Variants in CDH15 observed in about 807,000 individuals in gnomAD.
CDH15 encodes cadherin-15.
CDH15 carries 73 observed loss-of-function variants against 69.4 expected under a neutral mutation model. The observed-to-expected ratio is 1.05, with a 90% CI of 0.87 to 1.28. The LOEUF is 1.28. Among genes scored for constraint, CDH15 ranks in the 50% most tolerant of loss-of-function variants. The pLI is 0.00. For missense variants in CDH15, 1,343 were observed against 1,133.6 expected (o/e 1.18, Z -2.65); for synonymous variants, 624 against 507.7 (o/e 1.23, Z -3.08).
At chr16:89,194,563 G>A (rs922580564) in intron 13 of CDH15, among the ~76,000 whole-genome samples, 68 of 152,288 alleles carry the variant, frequency 4.5e-4, no homozygotes, top group Middle Eastern at 3.4e-3. Flanking sequence ...CGGGGAGGAA[G>A]AGACCAGGGT....
chr16:89,179,279 C>G lies in CDH15; in HGVS notation c.43-137C>G, dbSNP rs573466255. The G allele has an allele frequency of 5.2e-5, 50 of 970,050 alleles. No homozygotes were observed. The African/African-American group carries it at 7.4e-4, about 14-fold the overall frequency. 60.1% of individuals were successfully genotyped at this position (970,050 alleles called of 1,614,324 possible). On this transcript the variant is annotated intron_variant, in intron 1 of 13. Coordinates refer to ENST00000289746, the MANE Select transcript of CDH15 (RefSeq NM_004933.3). ...AGCCCCGTGTGTGGAAGCCGCCTTG[C>G]GCCAATGGGCACCGACCCGTGGGCT...
chr16:89,174,481 C>T (rs113394397), intron 1 of CDH15, among the ~76,000 whole-genome samples: 8,200 of 152,312 alleles, frequency 0.054, 738 homozygotes, highest in African/African-American at 0.18. Flanking sequence ...CAGTGGTGTT[C>T]GTAAACCCCA....
At position 89,192,383 on chromosome 16, in the gene CDH15, G is replaced by C; in HGVS notation, c.1794G>C (p.Gly598=). 6.5e-7 allele frequency: 1 copy of C among 1,537,496 alleles called. No homozygotes were observed. ...CGGGGGCCGCAGCGCTGCTGGCGGG[G>C]GGCACAGGCCTCAGCCTGGGCGCAC... ...CLPGAAALLA[G]GTGLSLGALV... is the part of the protein sequence containing the mutation. The change falls in exon 11 of 14, where the codon GGG becomes GGC. Residue 598 remains glycine, a synonymous_variant. Transcript: ENST00000289746.
At chr16:89,175,735 G>T (rs1178898734) in intron 1 of CDH15, among the ~76,000 whole-genome samples, 73 of 152,350 alleles carry the variant, frequency 4.8e-4, no homozygotes, top group Non-Finnish European at 9.6e-4. Flanking sequence ...TCCGAGGCCA[G>T]GGCCGCCATC....
At chr16:89,194,748 G>A (rs1440206424) in intron 13 of CDH15, 114 bp from the exon 14 acceptor site, 4 of 1,076,622 alleles carry the variant, frequency 3.7e-6, no homozygotes, top group Non-Finnish European at 5.5e-6. Context: ...GACGTGGGCA[G>A]CTTCCCCTTC....
intron 13 of CDH15, among the ~76,000 whole-genome samples, chr16:89,194,565 G>T (rs536229951): frequency 3.3e-5 from 5 of 152,156 alleles, no homozygotes; most frequent in African/African-American, 9.7e-5. Flanking sequence ...GGGAGGAAGA[G>T]ACCAGGGTGA....
At position 89,171,761 on chromosome 16, in the gene CDH15, G is replaced by A. The variant is rs1197177808; in HGVS notation, c.-71G>A. ...GCCCTGGCCCGCCCCGCGCACTTGC[G>A]CTGTCACTCAGCCTGGACGCGCTTC... On this transcript the variant is annotated 5_prime_UTR_variant, in exon 1 of 14. Transcript: ENST00000289746. 1.0e-5 allele frequency: 15 copies of A among 1,466,698 alleles called. No individual in the cohort carries two copies. The African/African-American group carries it at 2.0e-4, about 19-fold the overall frequency. The allele number at this position is 1,466,698 out of a possible 1,614,324, so 90.9% of individuals were successfully genotyped here. A position where few individuals can be genotyped will look rare whatever the true frequency, so the allele number is the denominator to read the frequency against.
In CDH15 at chr16:89,188,227, G is replaced by T. The variant is rs1409341501; in HGVS notation, c.920G>T (p.Gly307Val). Reference protein sequence around the residue: ...RFTILEGDPDGQFTIRTDPKT... With the variant: ...RFTILEGDPDVQFTIRTDPKT... ...ACCATCCTGGAAGGCGACCCCGATG[G>T]GCAGTTCACCATCCGCACGGACCCC... is the stretch of plus-strand genomic sequence containing the variant. Residue 307 changes from glycine to valine, a missense_variant, in exon 7 of 14, where the codon GGG becomes GTG. By Grantham distance (109) the Gly-to-Val change is moderately radical. Transcript: ENST00000289746. 7 of 1,613,452 alleles carry T rather than the reference G, an allele frequency of 4.3e-6. No individual in the cohort carries two copies. The highest frequency in any genetic ancestry group is 5.9e-6 in the Non-Finnish European group (7 of 1,179,948).
chr16:89,185,009 C>T (rs1466038466), intron 4 of CDH15, among the ~76,000 whole-genome samples, 164 bp from the exon 5 acceptor site: 3 of 152,236 alleles, frequency 2.0e-5, no homozygotes, highest in East Asian at 1.9e-4. Context: ...GCATGCTGGC[C>T]GCCTCGGTGA....
chr16:89,187,415 C>G lies in CDH15; in HGVS notation c.664-14C>G, dbSNP rs1915514172. On this transcript the variant is annotated splice_polypyrimidine_tract_variant and intron_variant, in intron 5 of 13. Transcript: ENST00000289746. ...TGGGCCCTCATCTTCTGACCCTGTG[C>G]CCCACATCCCCAGGTGGTCGCGGTG... 1.2e-6 allele frequency: 2 copies of G among 1,612,130 alleles called. No individual in the cohort carries two copies. The highest frequency in any genetic ancestry group is 2.7e-5 in the African/African-American group (2 of 75,076).
chr16:89,191,532 T>TGCC, intron 9 of CDH15, 60 bp downstream of exon 9: 1 of 1,601,626 alleles, frequency 6.2e-7, no homozygotes, highest in Non-Finnish European at 8.5e-7. Context: ...TGAGCACCCC[T>TGCC]GCCAGTGTCG....
intron 8 of CDH15, 141 bp from the exon 9 acceptor site, chr16:89,191,189 A>G (rs903768023): frequency 7.7e-6 from 7 of 906,904 alleles, no homozygotes; most frequent in East Asian, 7.6e-5. Flanking sequence ...GCGTGTGTAT[A>G]TGTTGTGTGC....
At chr16:89,178,656 G>A (rs1374119136) in intron 1 of CDH15, among the ~76,000 whole-genome samples, 1 of 152,006 alleles carries the variant, frequency 6.6e-6, no homozygotes, top group Non-Finnish European at 1.5e-5. Flanking sequence ...GTTGGGACCT[G>A]ACAGACCAGC....
intron 3 of CDH15, among the ~76,000 whole-genome samples, chr16:89,182,006 GA>G (rs563081604): frequency 4.0e-5 from 6 of 150,438 alleles, no homozygotes; most frequent in Admixed American, 2.7e-4. Flanking sequence ...AGAAGAAGAA[GA>G]AAAAAAAGGG....
At position 89,195,426 on chromosome 16, in the gene CDH15, C is replaced by T; in HGVS notation, c.*271C>T. Reference sequence around the variant, plus strand: ...TTTGCCTCCTACCAGTGAACCTCATCTTTGTATGAAAGACAGCAACCTCCT... The same window carrying T: ...TTTGCCTCCTACCAGTGAACCTCATTTTTGTATGAAAGACAGCAACCTCCT... On this transcript the variant is annotated 3_prime_UTR_variant, in exon 14 of 14. Coordinates refer to ENST00000289746, the MANE Select transcript of CDH15 (RefSeq NM_004933.3). 1 of 511,206 alleles carries T rather than the reference C, an allele frequency of 2.0e-6. No individual in the cohort carries two copies. The highest frequency in any genetic ancestry group is 3.1e-5 in the South Asian group (1 of 31,786). 31.7% of individuals were successfully genotyped at this position (511,206 alleles called of 1,614,324 possible).
intron 5 of CDH15, 35 bp downstream of exon 5, chr16:89,185,368 G>A (rs58079876): frequency 0.18 from 282,940 of 1,562,878 alleles, 26,373 homozygotes; most frequent in African/African-American, 0.23. Flanking sequence ...ACACCCGCAC[G>A]GCCAGGGCAG....
In CDH15 at chr16:89,192,438, C is replaced by T. The variant is rs369195898; in HGVS notation, c.1849C>T (p.Leu617=). Residue 617 remains leucine (L), a synonymous_variant, in exon 11 of 14, where the codon CTG becomes TTG. Coordinates refer to ENST00000289746, the MANE Select transcript of CDH15 (RefSeq NM_004933.3). ...CATCGTGCTGGCCAGCGCCCTCCTG[C>T]TGCTGGGTGAGTGAGCGCCCCGCCT... is the stretch of plus-strand genomic sequence containing the variant. ...LVIVLASALL[L]LVLVLLVALR... is the part of the protein sequence containing the mutation. 547 of 1,559,652 alleles carry T rather than the reference C, an allele frequency of 3.5e-4. 1 individual carries two copies. Among genetic ancestry groups the T allele is most frequent in the Middle Eastern group, 3.4e-3 (19 of 5,596 alleles).
chr16:89,180,383 C>T, intron 3 of CDH15, 28 bp downstream of exon 3: 2 of 1,605,206 alleles, frequency 1.2e-6, no homozygotes, highest in Non-Finnish European at 1.7e-6. Context: ...CGGACCTGTG[C>T]CCCTCAAGCA....
chr16:89,194,059 G>A, intron 13 of CDH15, 146 bp downstream of exon 13: 1 of 1,003,294 alleles, frequency 1.0e-6, no homozygotes, highest in Non-Finnish European at 1.5e-6. Context: ...GGAAGATGGT[G>A]TGCGGGCGGG....
Sources: gnomAD v4.1 joint callset for allele counts (sites outside exome capture counted in the v4.1 genomes callset) on GRCh38, gnomAD v4.1.1 for gene constraint, MANE v1.5 for transcripts, NCBI Gene and HGNC (gene_info 2026-07-23, HGNC 2026-07-21) for gene names.